Variants in TAFA1 observed in about 807,000 individuals in gnomAD.
TAFA1 encodes the protein TAFA chemokine like family member 1, also known as chemokine-like protein TAFA-1.
In TAFA1, 4 loss-of-function variants were observed where a neutral mutation model predicts 18.5. The ratio of observed to expected loss-of-function variants is 0.22; its 90% CI spans 0.11 to 0.49. TAFA1 has a LOEUF of 0.49. Ranked by LOEUF, TAFA1 falls within the 20% of genes least tolerant of loss-of-function variation. The pLI is 0.98. For synonymous variants in TAFA1, 56 were observed against 55.2 expected (o/e 1.01, Z -0.06); for missense variants, 147 against 169.0 (o/e 0.87, Z 0.72).
At chr3:68,206,963 C>T (rs919570850) in intron 2 of TAFA1, among the ~76,000 whole-genome samples, 3 of 151,810 alleles carry the variant, frequency 2.0e-5, no homozygotes, top group African/African-American at 7.3e-5. Flanking sequence ...CTTGACACTC[C>T]CCAAAGTGGT....
intron 2 of TAFA1, among the ~76,000 whole-genome samples, chr3:68,047,232 T>C (rs987582324): frequency 6.6e-5 from 10 of 152,202 alleles, no homozygotes; most frequent in African/African-American, 2.4e-4. Context: ...TCTTTCAGCT[T>C]AGGAAACTTT....
intron 2 of TAFA1, among the ~76,000 whole-genome samples, chr3:68,106,485 C>T (rs2065206175): frequency 6.6e-6 from 1 of 151,988 alleles, no homozygotes; most frequent in Admixed American, 6.6e-5. Flanking sequence ...TTGTGTTGGA[C>T]ATCAGAGTTT....
intron 2 of TAFA1, among the ~76,000 whole-genome samples, chr3:68,402,620 T>C (rs2070519881): frequency 6.6e-6 from 1 of 152,138 alleles, no homozygotes; most frequent in African/African-American, 2.4e-5. Context: ...TGTTTTCTGA[T>C]CTCTCTGGCT....
At chr3:68,497,584 C>T (rs1375784283) in intron 3 of TAFA1, among the ~76,000 whole-genome samples, 1 of 152,070 alleles carries the variant, frequency 6.6e-6, no homozygotes, top group African/African-American at 2.4e-5. Flanking sequence ...ATGTCCTAAG[C>T]TAGGAAACAG....
At chr3:68,131,348 G>T (rs2065534416) in intron 2 of TAFA1, among the ~76,000 whole-genome samples, 1 of 152,114 alleles carries the variant, frequency 6.6e-6, no homozygotes, top group African/African-American at 2.4e-5. Flanking sequence ...CACATAAGAG[G>T]AGAGCTGGTC....
chr3:68,470,540 G>C (rs578202009), intron 3 of TAFA1, among the ~76,000 whole-genome samples: 1 of 152,280 alleles, frequency 6.6e-6, no homozygotes, highest in African/African-American at 2.4e-5. Flanking sequence ...AAGTTCAGGA[G>C]ATGAGAAAAT....
chr3:68,173,179 GA>G (rs763941655), intron 2 of TAFA1, among the ~76,000 whole-genome samples: 195 of 151,402 alleles, frequency 1.3e-3, no homozygotes, highest in Non-Finnish European at 2.0e-3. Context: ...TTCCTACTCT[GA>G]AAAAAAATCA....
chr3:68,422,984 C>G (rs1407825928), intron 3 of TAFA1, among the ~76,000 whole-genome samples: 1 of 151,878 alleles, frequency 6.6e-6, no homozygotes, highest in African/African-American at 2.4e-5. Flanking sequence ...AATAAAGATT[C>G]ATAAACAAGA....
At chr3:68,472,802 C>T (rs1455087826) in intron 3 of TAFA1, among the ~76,000 whole-genome samples, 3 of 152,046 alleles carry the variant, frequency 2.0e-5, no homozygotes. Context: ...TAAGTGATAG[C>T]AACTTTTTGG....
At chr3:68,284,174 T>C (rs2067955450) in intron 2 of TAFA1, among the ~76,000 whole-genome samples, 1 of 152,196 alleles carries the variant, frequency 6.6e-6, no homozygotes, top group South Asian at 2.1e-4. Context: ...ATTGAACTTC[T>C]ATTGATGTCA....
chr3:68,186,494 C>T (rs749802701), intron 2 of TAFA1, among the ~76,000 whole-genome samples: 1 of 152,068 alleles, frequency 6.6e-6, no homozygotes, highest in Admixed American at 6.6e-5. Context: ...GACGTGAGAA[C>T]TGAAGTTAGA....
chr3:68,234,214 T>G (rs1207550242), intron 2 of TAFA1, among the ~76,000 whole-genome samples: 1 of 152,146 alleles, frequency 6.6e-6, no homozygotes, highest in Admixed American at 6.6e-5. Flanking sequence ...CAGTGGCAGG[T>G]GTTTGGAAAC....
At chr3:68,339,828 G>C (rs946184760) in intron 2 of TAFA1, among the ~76,000 whole-genome samples, 1 of 152,074 alleles carries the variant, frequency 6.6e-6, no homozygotes, top group Admixed American at 6.6e-5. Flanking sequence ...GAGGGGTGGA[G>C]GGGCTATGAT....
intron 3 of TAFA1, among the ~76,000 whole-genome samples, chr3:68,502,097 C>T: frequency 6.6e-6 from 1 of 152,124 alleles, no homozygotes; most frequent in East Asian, 1.9e-4. Context: ...GGCTTTCAAG[C>T]AAGTGGAGGA....
intron 2 of TAFA1, among the ~76,000 whole-genome samples, chr3:68,263,871 G>A (rs141963090): frequency 6.6e-6 from 1 of 152,254 alleles, no homozygotes; most frequent in East Asian, 1.9e-4. Flanking sequence ...CATTGATTTT[G>A]AAATTATTCA....
chr3:68,096,121 C>T (rs2065084352), intron 2 of TAFA1, among the ~76,000 whole-genome samples: 1 of 152,076 alleles, frequency 6.6e-6, no homozygotes, highest in South Asian at 2.1e-4. Context: ...TATCATTCTA[C>T]CCTCTACCTC....
chr3:68,103,777 A>G (rs2065174929), intron 2 of TAFA1, among the ~76,000 whole-genome samples: 2 of 152,176 alleles, frequency 1.3e-5, no homozygotes, highest in Non-Finnish European at 1.5e-5. Context: ...GCTCTGTCCT[A>G]AACACCTTAC....
At chr3:68,095,512 T>C (rs1279074440) in intron 2 of TAFA1, among the ~76,000 whole-genome samples, 1 of 152,124 alleles carries the variant, frequency 6.6e-6, no homozygotes, top group Non-Finnish European at 1.5e-5. Context: ...GTGTTATGTC[T>C]TTATGCTGCA....
intron 2 of TAFA1, among the ~76,000 whole-genome samples, chr3:68,379,222 A>T (rs2069880259): frequency 6.6e-6 from 1 of 152,024 alleles, no homozygotes; most frequent in Non-Finnish European, 1.5e-5. Context: ...GTGAGATGGT[A>T]TTTCATGGTT....
Sources: gnomAD v4.1 joint callset for allele counts (sites outside exome capture counted in the v4.1 genomes callset) on GRCh38, gnomAD v4.1.1 for gene constraint, MANE v1.5 for transcripts, NCBI Gene and HGNC (gene_info 2026-07-23, HGNC 2026-07-21) for gene names.